Variants in PCDH15 observed in about 807,000 individuals in gnomAD.
PCDH15 encodes protocadherin-15.
In PCDH15, 129 loss-of-function variants were observed where a neutral mutation model predicts 178.5. The ratio of observed to expected loss-of-function variants is 0.72; its 90% confidence interval spans 0.63 to 0.84. The LOEUF (loss-of-function observed/expected upper bound fraction) is 0.84. Among genes scored for constraint, PCDH15 ranks in the 40% least tolerant of loss-of-function variants. The probability of loss-of-function intolerance (pLI) is 0.00; values close to 1 mark genes in which losing one functional copy is unlikely to be tolerated. For missense variants in PCDH15, 2,230 were observed against 2,099.9 expected, an observed-to-expected ratio of 1.06 and a Z score of -1.21; for synonymous variants, 800 against 732.0, an observed-to-expected ratio of 1.09 and a Z score of -1.50.
intron 17 of PCDH15, among the ~76,000 whole-genome samples, chr10:54,067,216 G>A (rs1003713692): frequency 6.6e-6 from 1 of 151,936 alleles, no homozygotes; most frequent in South Asian, 2.1e-4. Context: ...TTATACACAC[G>A]TACACTGCTT....
chr10:53,845,200 G>T (rs1194213790), intron 28 of PCDH15, among the ~76,000 whole-genome samples: 2 of 151,542 alleles, frequency 1.3e-5, no homozygotes, highest in East Asian at 1.9e-4. Context: ...AATTGCTATT[G>T]TCAAAAAACA....
chr10:55,444,277 G>A (rs1282391366), intron 2 of PCDH15, among the ~76,000 whole-genome samples: 4 of 88,656 alleles, frequency 4.5e-5, no homozygotes, highest in African/African-American at 2.5e-4. Context: ...AGAAAGTAAA[G>A]TGTAATTAAA....
At chr10:54,793,925 C>T (rs1288325673) in intron 1 of PCDH15, among the ~76,000 whole-genome samples, 5 of 145,618 alleles carry the variant, frequency 3.4e-5, no homozygotes, top group African/African-American at 1.2e-4. Flanking sequence ...AAAGGGTTTA[C>T]AAAGTTGTAT....
intron 2 of PCDH15, among the ~76,000 whole-genome samples, chr10:55,471,685 C>T (rs10825521): frequency 0.38 from 58,183 of 151,976 alleles, 11,905 homozygotes; most frequent in East Asian, 0.81. Flanking sequence ...CACAGGAAAA[C>T]AGATTATTTT....
At chr10:53,823,071 A>T (rs767016414) in intron 32 of PCDH15, 5 of 1,613,918 alleles carry the variant, frequency 3.1e-6, no homozygotes, top group Non-Finnish European at 4.2e-6. Context: ...TTTGGGTGAA[A>T]ATGGGTCTAC....
intron 2 of PCDH15, among the ~76,000 whole-genome samples, chr10:55,450,754 T>A (rs1488736493): frequency 6.6e-6 from 1 of 151,962 alleles, no homozygotes; most frequent in African/African-American, 2.4e-5. Context: ...GTAGAATCTA[T>A]TTTTGTCTTG....
intron 6 of PCDH15, 78 bp downstream of exon 6, chr10:54,346,287 T>C (rs1198590985): frequency 7.1e-7 from 1 of 1,399,354 alleles, no homozygotes; most frequent in Non-Finnish European, 1.0e-6. Flanking sequence ...TACTGAATAA[T>C]ACAATAACTA....
intron 1 of PCDH15, among the ~76,000 whole-genome samples, chr10:55,180,988 T>G (rs1193685380): frequency 6.6e-6 from 1 of 152,046 alleles, no homozygotes; most frequent in Non-Finnish European, 1.5e-5. Context: ...TTTGAACAGA[T>G]TATTCCAGGG....
At position 54,821,415 on chromosome 10, in the gene PCDH15, T is replaced by TA. The variant is rs879341234; in HGVS notation, c.-29+76034dup. ...TACACAATTTTCTAACCCTTTTTAA[T>TA]AAAAAAAAAATTACAAATGTAAAAT... On this transcript the variant is annotated intron_variant, in intron 3 of 5. Coordinates refer to the PCDH15 transcript ENST00000458638. 5.8e-4 allele frequency among the ~76,000 whole-genome samples: 85 copies of TA among 147,808 alleles called. No homozygotes were observed. The East Asian group carries it at 9.0e-3, about 16-fold the overall frequency.
Position 53,831,349 on chromosome 10 carries a change from G to A in PCDH15, c.4168C>T (p.Pro1390Ser), listed in dbSNP as rs765884854. 1.9e-6 allele frequency: 3 copies of A among 1,614,110 alleles called. No homozygotes were observed. The highest frequency in any genetic ancestry group is 2.5e-6 in the Non-Finnish European group (3 of 1,180,002). ...CTGACCAAAACCACCAAGATGGCAG[G>A]AATGCAGCAGAGGATGATGATGAAG... is the stretch of plus-strand genomic sequence containing the variant. ...LAFIIILCCI[P>S]AILVVLVSYR... Residue 1390 changes from proline to serine, a missense_variant, in exon 30 of 38, where the codon CCT becomes TCT. Transcript: ENST00000644397.
In PCDH15 at chr10:55,110,687, A is replaced by G. The variant is rs148787026; in HGVS notation, c.-80+55889T>C. Among the ~76,000 whole-genome samples, 346 of 152,054 alleles carry G rather than the reference A, an allele frequency of 2.3e-3. 1 individual carries two copies. Among genetic ancestry groups the G allele is most frequent in the African/African-American group, 8.0e-3 (333 of 41,528 alleles). ...AAGAGGGTTCCTGTTCCTTAAAAGC[A>G]AAGACAGCCTAACTAAAATATAATT... On this transcript the variant is annotated intron_variant, in intron 2 of 5. Transcript: ENST00000458638.
chr10:54,162,855 A>G (rs1461120911), intron 13 of PCDH15, among the ~76,000 whole-genome samples: 3 of 152,142 alleles, frequency 2.0e-5, no homozygotes, highest in African/African-American at 7.2e-5. Flanking sequence ...TAGCTTATAC[A>G]TGTATAGATA....
chr10:54,761,713 CA>C, intron 1 of PCDH15, among the ~76,000 whole-genome samples: 1 of 12,254 alleles, frequency 8.2e-5, no homozygotes, highest in African/African-American at 1.7e-4. Flanking sequence ...CAAAACAAAA[CA>C]AAACAAAACA....
At chr10:55,123,566 C>A (rs1001505393) in intron 2 of PCDH15, among the ~76,000 whole-genome samples, 8 of 151,980 alleles carry the variant, frequency 5.3e-5, no homozygotes, top group African/African-American at 1.9e-4. Context: ...GAAACTGAGG[C>A]AAAGCTGAAT....
At chr10:55,205,106 A>T (rs757866939) in intron 1 of PCDH15, among the ~76,000 whole-genome samples, 21 of 152,204 alleles carry the variant, frequency 1.4e-4, no homozygotes, top group Non-Finnish European at 2.2e-4. Flanking sequence ...ATGCAATTAT[A>T]AGAAGTATAG....
intron 2 of PCDH15, among the ~76,000 whole-genome samples, chr10:55,023,786 C>T (rs1038845975): frequency 6.6e-6 from 1 of 151,072 alleles, no homozygotes; most frequent in East Asian, 1.9e-4. Flanking sequence ...TACACATATA[C>T]ACACATATTC....
chr10:54,248,087 A>C (rs190989070), intron 8 of PCDH15, among the ~76,000 whole-genome samples: 1 of 151,658 alleles, frequency 6.6e-6, no homozygotes, highest in East Asian at 1.9e-4. Flanking sequence ...TAAGCTAGGG[A>C]GAAAAAAATT....
intron 1 of PCDH15, among the ~76,000 whole-genome samples, chr10:54,798,877 T>C (rs1025319769): frequency 6.6e-5 from 10 of 152,132 alleles, no homozygotes; most frequent in African/African-American, 2.4e-4. Context: ...TTACACCATT[T>C]AAGTAGGAAA....
chr10:55,517,075 A>G, intron 2 of PCDH15, among the ~76,000 whole-genome samples: 1 of 152,110 alleles, frequency 6.6e-6, no homozygotes, highest in Non-Finnish European at 1.5e-5. Context: ...CTAAAGAACT[A>G]CTAAGGGTAT....
Sources: gnomAD v4.1 joint callset for allele counts (sites outside exome capture counted in the v4.1 genomes callset) on GRCh38, gnomAD v4.1.1 for gene constraint, MANE v1.5 for transcripts, NCBI Gene and HGNC (gene_info 2026-07-23, HGNC 2026-07-21) for gene names.